Variants in TEX9 observed in about 807,000 individuals in gnomAD.
The protein encoded by TEX9 is testis-expressed protein 9.
In TEX9, 74 loss-of-function variants were observed where a neutral mutation model predicts 59.6. That is an observed-to-expected ratio of 1.24 (90% confidence interval 1.03 to 1.51). The LOEUF is 1.51. Ranked by LOEUF, TEX9 falls within the 40% of genes most tolerant of loss-of-function variation. The probability of loss-of-function intolerance (pLI) is 0.00; values close to 1 mark genes in which losing one functional copy is unlikely to be tolerated. For synonymous variants in TEX9, 186 were observed against 152.2 expected, an observed-to-expected ratio of 1.22 and a Z score of -1.64; for missense variants, 522 against 447.8, an observed-to-expected ratio of 1.17 and a Z score of -1.49.
chr15:56,312,502 A>G (rs1446606446), intron 1 of TEX9, among the ~76,000 whole-genome samples: 4 of 148,828 alleles, frequency 2.7e-5, no homozygotes, highest in African/African-American at 1.0e-4. Context: ...CCATTGATCT[A>G]TATCTCTGTT....
chr15:56,393,929 A>T (rs1198546417), intron 7 of TEX9: 2 of 321,496 alleles, frequency 6.2e-6, no homozygotes, highest in East Asian at 7.4e-5. Context: ...GTGCGTGTGA[A>T]TTTAGTCTGC....
At chr15:56,297,817 CTAAAT>C (rs1223372003) in intron 1 of TEX9, among the ~76,000 whole-genome samples, 1 of 152,190 alleles carries the variant, frequency 6.6e-6, no homozygotes, top group Non-Finnish European at 1.5e-5. Context: ...TACAAAATTT[CTAAAT>C]TAAAAGACAG....
At chr15:56,291,450 G>A (rs565267240) in intron 1 of TEX9, among the ~76,000 whole-genome samples, 2 of 152,198 alleles carry the variant, frequency 1.3e-5, no homozygotes, top group East Asian at 1.9e-4. Context: ...TGACAAAATT[G>A]TATATATTTA....
chr15:56,364,478 T>C (rs1296799313), upstream of TEX9, among the ~76,000 whole-genome samples: 1 of 151,600 alleles, frequency 6.6e-6, no homozygotes, highest in African/African-American at 2.4e-5. Flanking sequence ...TTTTTTTTTT[T>C]TTTGCTACTG....
At chr15:56,454,153 G>T in the TEX9 span, among the ~76,000 whole-genome samples, 1 of 152,082 alleles carries the variant, frequency 6.6e-6, no homozygotes, top group Admixed American at 6.5e-5. Context: ...TTTTCACAAG[G>T]TATAAAATTC....
intron 10 of TEX9, among the ~76,000 whole-genome samples, chr15:56,413,217 ATAAT>A (rs2049467772): frequency 7.5e-6 from 1 of 133,808 alleles, no homozygotes; most frequent in African/African-American, 2.6e-5. Context: ...TAATAATTAA[ATAAT>A]TTAATTTATT....
rs184200829 is a variant in TEX9, at chr15:56,299,648, G to T, written c.-107+55370G>T. ...ACCCCTTACTTCCATTTGAGGAGAA[G>T]AGAGAGAAGAGTAAAGAGGACTTTG... On this transcript the variant is annotated intron_variant, in intron 1 of 5. Coordinates refer to the TEX9 transcript ENST00000560827. Among the ~76,000 whole-genome samples the T allele has an allele frequency of 2.6e-5, 4 of 152,284 alleles. No homozygotes were observed. The East Asian group carries it at 7.7e-4, about 29-fold the overall frequency.
intron 1 of TEX9, among the ~76,000 whole-genome samples, chr15:56,334,569 C>A (rs2046222664): frequency 6.6e-6 from 1 of 152,074 alleles, no homozygotes; most frequent in South Asian, 2.1e-4. Flanking sequence ...ATACTGGGGA[C>A]ACTCTTTAGA....
Position 56,335,029 on chromosome 15 carries a change from G to A in TEX9, c.-106-38412G>A, listed in dbSNP as rs554628059. 1.2e-4 allele frequency among the ~76,000 whole-genome samples: 18 copies of A among 152,192 alleles called. 1 individual carries two copies. The East Asian group carries it at 2.9e-3, about 24-fold the overall frequency. ...AATACTGGTGAGGATGAGGAGAAAA[G>A]GGAATCCTGGTACACTGTTGGTGAG... On this transcript the variant is annotated intron_variant, in intron 1 of 5. Coordinates refer to the TEX9 transcript ENST00000560827.
rs192194990 is a variant in TEX9, at chr15:56,338,748, C to G, written c.-106-34693C>G. Among the ~76,000 whole-genome samples the G allele has an allele frequency of 2.7e-3, 406 of 151,992 alleles. 1 individual carries two copies. Among genetic ancestry groups the G allele is most frequent in the Middle Eastern group, 6.8e-3 (2 of 294 alleles). ...TATGGCCAACATGGTGAAAGCCCATCTCTACTAAAAATACAAAAAATTAGC... is the reference window on the plus strand; with the variant it reads ...TATGGCCAACATGGTGAAAGCCCATGTCTACTAAAAATACAAAAAATTAGC... On this transcript the variant is annotated intron_variant, in intron 1 of 5. Transcript: ENST00000560827.
chr15:56,323,163 A>C (rs1418295505), intron 1 of TEX9: 3 of 217,704 alleles, frequency 1.4e-5, no homozygotes, highest in African/African-American at 2.3e-5. Flanking sequence ...CCTCATATGC[A>C]TTCTTTGTGC....
At chr15:56,458,073 A>T in the TEX9 span, among the ~76,000 whole-genome samples, 1 of 152,208 alleles carries the variant, frequency 6.6e-6, no homozygotes, top group Non-Finnish European at 1.5e-5. Flanking sequence ...AACTTGGATG[A>T]ATCTCCATGA....
intron 2 of TEX9, among the ~76,000 whole-genome samples, chr15:56,372,574 C>T (rs996249757): frequency 9.9e-5 from 15 of 152,110 alleles, no homozygotes; most frequent in Non-Finnish European, 1.5e-4. Flanking sequence ...AGTACATTAT[C>T]TTAATTGCAA....
chr15:56,447,076 A>G, downstream of TEX9: 1 of 626,488 alleles, frequency 1.6e-6, no homozygotes, highest in Non-Finnish European at 2.7e-6. Context: ...GATCCATAGG[A>G]GAAATAATTC....
At chr15:56,432,406 A>G (rs2050620149) in intron 12 of TEX9, among the ~76,000 whole-genome samples, 1 of 152,190 alleles carries the variant, frequency 6.6e-6, no homozygotes, top group Non-Finnish European at 1.5e-5. Context: ...AGAGGTAGAC[A>G]GAATTACAGA....
intron 1 of TEX9, among the ~76,000 whole-genome samples, chr15:56,338,520 GGT>G (rs773519853): frequency 1.6e-4 from 24 of 152,188 alleles, no homozygotes; most frequent in Non-Finnish European, 2.8e-4. Flanking sequence ...CTTGTATAGT[GGT>G]GTAGGCTGAG....
chr15:56,291,374 G>T (rs886952855), intron 1 of TEX9, among the ~76,000 whole-genome samples: 2 of 152,184 alleles, frequency 1.3e-5, no homozygotes, highest in East Asian at 3.9e-4. Flanking sequence ...CTCTTACTTG[G>T]TGGCAAGTTG....
exon 4 of TEX9, chr15:56,383,978 G>A (rs796541102): frequency 1.2e-6 from 2 of 1,612,294 alleles, no homozygotes; most frequent in South Asian, 1.1e-5. Context: ...TACGATCTAG[G>A]CCTGTTTCAA....
intron 3 of TEX9, among the ~76,000 whole-genome samples, chr15:56,373,864 C>G (rs1270793733): frequency 6.6e-6 from 1 of 152,010 alleles, no homozygotes; most frequent in Non-Finnish European, 1.5e-5. Flanking sequence ...TTCTTACTTT[C>G]TATCCTCCCT....
Sources: gnomAD v4.1 joint callset for allele counts (sites outside exome capture counted in the v4.1 genomes callset) on GRCh38, gnomAD v4.1.1 for gene constraint, MANE v1.5 for transcripts, NCBI Gene and HGNC (gene_info 2026-07-23, HGNC 2026-07-21) for gene names.